Variants in GSG1L2 observed in about 807,000 individuals in gnomAD.
GSG1L2 encodes germ cell-specific gene 1-like protein 2.
GSG1L2 carries 15 observed loss-of-function variants against 9.0 expected under a neutral mutation model. The observed-to-expected ratio is 1.67, with a 90% CI of 1.12 to 2.57. The LOEUF (loss-of-function observed/expected upper bound fraction) is 2.57, where lower values mean the gene tolerates loss of function less well. Ranked by LOEUF, GSG1L2 falls within the 30% of genes most tolerant of loss-of-function variation. GSG1L2 has a pLI of 0.00. For missense variants in GSG1L2, 286 were observed against 150.3 expected (o/e 1.90, Z -4.72); for synonymous variants, 127 against 57.9 (o/e 2.19, Z -5.41).
In GSG1L2 at chr17:9,802,284, G is replaced by A. The variant is rs1038237277; in HGVS notation, c.*102C>T. The stretch of plus-strand genomic sequence containing the variant: ...AGGGGTGGGGATGGAAGCTTTCCCT[G>A]GACAACAATCTCCTGAAGTCCAACC... On this transcript the variant is annotated 3_prime_UTR_variant, in exon 5 of 5. Transcript: ENST00000399363. The A allele has an allele frequency of 2.1e-5, 12 of 577,062 alleles. No individual in the cohort carries two copies. The highest frequency in any genetic ancestry group is 3.4e-5 in the Non-Finnish European group (11 of 323,428). The allele number at this position is 577,062 out of a possible 1,614,324, so 35.7% of individuals were successfully genotyped here.
At chr17:9,813,185 G>T (rs2066545926) in intron 1 of GSG1L2, among the ~76,000 whole-genome samples, 1 of 152,188 alleles carries the variant, frequency 6.6e-6, no homozygotes, top group African/African-American at 2.4e-5. Context: ...TAAACCTTAA[G>T]ATTTGCCATG....
At chr17:9,813,852 C>G (rs1052237110) in intron 1 of GSG1L2, among the ~76,000 whole-genome samples, 4 of 152,250 alleles carry the variant, frequency 2.6e-5, no homozygotes, top group African/African-American at 7.2e-5. Flanking sequence ...CTCTCTGAGC[C>G]TCACTTTCCT....
At chr17:9,809,917 G>A (rs1317248190) in intron 2 of GSG1L2, 2 of 152,532 alleles carry the variant, frequency 1.3e-5, no homozygotes, top group African/African-American at 4.8e-5. Context: ...CCTGTCTGCA[G>A]GTACCAAAAC....
intron 1 of GSG1L2, among the ~76,000 whole-genome samples, chr17:9,816,574 C>CTGTG (rs1555566353): frequency 2.9e-4 from 41 of 141,192 alleles, no homozygotes; most frequent in African/African-American, 1.0e-3. Context: ...ATATCTGTGT[C>CTGTG]TGTGTGTGCA....
chr17:9,809,711 GA>G (rs2152023113), intron 2 of GSG1L2: 1 of 151,392 alleles, frequency 6.6e-6, no homozygotes, highest in South Asian at 2.1e-4. Flanking sequence ...CTTTAAGACA[GA>G]AAAGTTCCTG....
Position 9,820,661 on chromosome 17 carries a change from C to CT in GSG1L2, c.310+1100dup, listed in dbSNP as rs10711046. 5.9e-4 allele frequency among the ~76,000 whole-genome samples: 84 copies of CT among 142,900 alleles called. No homozygotes were observed. The highest frequency in any genetic ancestry group is 2.3e-3 in the South Asian group (10 of 4,382). The allele number at this position is 142,900 out of a possible 152,430, so 93.7% of individuals were successfully genotyped here. A position where few individuals can be genotyped will look rare whatever the true frequency, so the allele number is the denominator to read the frequency against. ...GGACATACAGCACCTCTGAGTGTTC[C>CT]TTTTTTTTTTTTTTTAATTTGAGAC... On this transcript the variant is annotated intron_variant, in intron 1 of 4. Transcript: ENST00000399363. This position sits in a 1 kb window ranked among gnomAD's most constrained non-coding sequence, Gnocchi z 4.9.
chr17:9,805,852 G>A (rs78417603), intron 4 of GSG1L2, among the ~76,000 whole-genome samples: 1,630 of 152,044 alleles, frequency 0.011, 27 homozygotes, highest in African/African-American at 0.036. Flanking sequence ...GCTTTCTTTC[G>A]TCCCCATATA....
chr17:9,813,870 A>G (rs931226303), intron 1 of GSG1L2, among the ~76,000 whole-genome samples: 1 of 152,262 alleles, frequency 6.6e-6, no homozygotes, highest in Non-Finnish European at 1.5e-5. Flanking sequence ...CCTCATCTGC[A>G]AAATGGGTCT....
Position 9,812,042 on chromosome 17 carries a change from T to G in GSG1L2, c.311-1424A>C, listed in dbSNP as rs77253365. 4.0e-3 allele frequency among the ~76,000 whole-genome samples: 604 copies of G among 152,308 alleles called. 20 individuals carry two copies. The East Asian group carries it at 0.062, about 16-fold the overall frequency. On this transcript the variant is annotated intron_variant, in intron 1 of 4. Transcript: ENST00000399363. ...CCCCACCTTAGCCTTGCTTTGAAGA[T>G]TACATGAAACAATACTTACGAAACT...
chr17:9,810,431 T>C, intron 2 of GSG1L2, 140 bp downstream of exon 2: 1 of 635,678 alleles, frequency 1.6e-6, no homozygotes, highest in South Asian at 1.8e-5. Flanking sequence ...GAAGAGAGCC[T>C]GTGGTTCTAG....
At chr17:9,814,278 A>G (rs748755945) in intron 1 of GSG1L2, among the ~76,000 whole-genome samples, 4 of 152,186 alleles carry the variant, frequency 2.6e-5, no homozygotes, top group Admixed American at 6.5e-5. Flanking sequence ...GACAAGTACA[A>G]TGATCTCAAT....
intron 4 of GSG1L2, chr17:9,805,394 G>C (rs1219628413): frequency 4.6e-5 from 7 of 152,018 alleles, no homozygotes; most frequent in Non-Finnish European, 1.0e-4. Context: ...ACCTACAAAG[G>C]CACATGAATC....
chr17:9,807,583 G>A lies in GSG1L2; in HGVS notation c.530C>T (p.Ala177Val). 2.8e-6 allele frequency: 2 copies of A among 703,330 alleles called. No individual in the cohort carries two copies. The highest frequency in any genetic ancestry group is 3.0e-5 in the South Asian group (2 of 67,590). 43.6% of individuals were successfully genotyped at this position (703,330 alleles called of 1,614,324 possible). The change falls in exon 4 of 5, where the codon GCC (alanine) becomes GTC (valine). Residue 177 changes from alanine to valine, a missense_variant. By Grantham distance (64) the Ala-to-Val change is moderately conservative. Transcript: ENST00000399363. ...MVLAGLLGMV[A>V]HMMYTTIFQI... is the part of the protein sequence containing the mutation. The stretch of plus-strand genomic sequence containing the variant: ...AAAAATGGTTGTGTACATCATGTGG[G>A]CCACCATGCCTAGAAGCCCTGCGCA...
At chr17:9,821,679 G>A in intron 1 of GSG1L2, 83 bp downstream of exon 1, 3 of 664,266 alleles carry the variant, frequency 4.5e-6, no homozygotes, top group Non-Finnish European at 8.3e-6. Flanking sequence ...AGAATCTGCA[G>A]GATTCAAACC....
rs1243214755 is a variant in GSG1L2 at position 9,816,775 on chromosome 17, G to GTA, written c.310+4986_310+4987insTA. ...TGTGTATCTGTGTCTGTGTGTGCGT[G>GTA]TGTGTCTGTGTGTGCGTATCTGTGT... On this transcript the variant is annotated intron_variant, in intron 1 of 4. Coordinates refer to ENST00000399363, the MANE Select transcript of GSG1L2 (RefSeq NM_001310219.2). 4.4e-5 allele frequency among the ~76,000 whole-genome samples: 4 copies of GTA among 91,738 alleles called. No individual in the cohort carries two copies. The Admixed American group carries it at 5.3e-4, about 12-fold the overall frequency. The allele number at this position is 91,738 out of a possible 152,430, so 60.2% of individuals were successfully genotyped here. A position where few individuals can be genotyped will look rare whatever the true frequency, so the allele number is the denominator to read the frequency against.
At chr17:9,811,387 G>C (rs2066538352) in intron 1 of GSG1L2, among the ~76,000 whole-genome samples, 1 of 152,136 alleles carries the variant, frequency 6.6e-6, no homozygotes, top group South Asian at 2.1e-4. Flanking sequence ...GCTCCAGGGG[G>C]ATAGATACTC....
intron 1 of GSG1L2, among the ~76,000 whole-genome samples, chr17:9,816,102 C>T (rs1011593763): frequency 2.7e-4 from 41 of 152,270 alleles, no homozygotes; most frequent in African/African-American, 9.1e-4. Flanking sequence ...TGTGCTCCCT[C>T]GACCGTGGAT....
intron 1 of GSG1L2, among the ~76,000 whole-genome samples, chr17:9,815,533 A>T (rs1597943983): frequency 6.6e-6 from 1 of 152,356 alleles, no homozygotes; most frequent in Non-Finnish European, 1.5e-5. Flanking sequence ...ATGTAATGTT[A>T]AACAAATTCC....
intron 4 of GSG1L2, among the ~76,000 whole-genome samples, chr17:9,805,819 G>T (rs1325960835): frequency 1.3e-5 from 2 of 152,246 alleles, no homozygotes; most frequent in East Asian, 3.9e-4. Flanking sequence ...AACCTAACCT[G>T]CCCTGCTTGC....
Sources: gnomAD v4.1 joint callset for allele counts (sites outside exome capture counted in the v4.1 genomes callset) on GRCh38, gnomAD v4.1.1 for gene constraint, Gnocchi (gnomAD v3.1) non-coding constraint, MANE v1.5 for transcripts, NCBI Gene and HGNC (gene_info 2026-07-23, HGNC 2026-07-21) for gene names.